The following INSC variants were observed in gnomAD, a reference collection of about 807,000 sequenced individuals.
INSC encodes protein inscuteable homolog.
Under a neutral mutation model 58.6 loss-of-function variants are expected in INSC, and 67 were observed. That is an observed-to-expected ratio of 1.14 (90% CI 0.94 to 1.40). The LOEUF (loss-of-function observed/expected upper bound fraction) is 1.40. Among genes scored for constraint, INSC ranks in the 40% most tolerant of loss-of-function variants. The pLI, the probability that INSC is intolerant of heterozygous loss-of-function variation, is 0.00. For synonymous variants in INSC, 262 were observed against 276.1 expected (o/e 0.95, Z 0.51); for missense variants, 714 against 692.0 (o/e 1.03, Z -0.36).
chr11:15,184,872 A>G (rs905706012), intron 5 of INSC, among the ~76,000 whole-genome samples: 6 of 152,252 alleles, frequency 3.9e-5, no homozygotes, highest in African/African-American at 1.4e-4. Flanking sequence ...ATATTTGAAG[A>G]ATAAAAATAT....
At chr11:15,266,232 C>G in the INSC span, among the ~76,000 whole-genome samples, 1 of 150,964 alleles carries the variant, frequency 6.6e-6, no homozygotes, top group African/African-American at 2.4e-5. Context: ...AGAATAAGAT[C>G]AAGATCAATA....
chr11:15,229,219 A>G (rs1230124039), intron 9 of INSC, among the ~76,000 whole-genome samples: 4 of 152,218 alleles, frequency 2.6e-5, no homozygotes, highest in Non-Finnish European at 5.9e-5. Context: ...TGCTTTCATA[A>G]GGGAAGGAGT....
At chr11:15,259,641 G>A in the INSC span, among the ~76,000 whole-genome samples, 2 of 152,126 alleles carry the variant, frequency 1.3e-5, no homozygotes, top group African/African-American at 4.8e-5. Context: ...ACTGACGTGC[G>A]AGACAGTTTA....
At chr11:15,118,263 A>C (rs994363498) in intron 1 of INSC, among the ~76,000 whole-genome samples, 1 of 152,172 alleles carries the variant, frequency 6.6e-6, no homozygotes, top group African/African-American at 2.4e-5. Context: ...GTCACCTCTT[A>C]TCTGCAGAGG....
chr11:15,207,545 G>A (rs545476034), intron 7 of INSC, among the ~76,000 whole-genome samples: 2 of 152,210 alleles, frequency 1.3e-5, no homozygotes, highest in South Asian at 4.1e-4. Context: ...AATAGGCCCT[G>A]ACAGCTGAGG....
intron 2 of INSC, among the ~76,000 whole-genome samples, chr11:15,174,069 C>A (rs908630807): frequency 1.3e-5 from 2 of 152,000 alleles, no homozygotes; most frequent in East Asian, 3.9e-4. Context: ...CTCCCCTCAC[C>A]CCCACCTCAT....
At chr11:15,133,387 C>T (rs1322549581) in intron 1 of INSC, among the ~76,000 whole-genome samples, 9 of 152,106 alleles carry the variant, frequency 5.9e-5, no homozygotes, top group Admixed American at 3.3e-4. Flanking sequence ...CTTTGTTCTT[C>T]GAAAATGTTT....
chr11:15,196,752 T>A (rs1850385892), intron 6 of INSC, among the ~76,000 whole-genome samples: 1 of 152,222 alleles, frequency 6.6e-6, no homozygotes, highest in African/African-American at 2.4e-5. Flanking sequence ...TTCTAAGGGC[T>A]TTATACAAAT....
intron 4 of INSC, among the ~76,000 whole-genome samples, chr11:15,177,384 G>A (rs1464830163): frequency 6.6e-6 from 1 of 152,138 alleles, no homozygotes; most frequent in Admixed American, 6.5e-5. Context: ...GGAGAGGCCT[G>A]GGCATAGGAA....
At position 15,246,200 on chromosome 11, in the gene INSC, A is replaced by G; in HGVS notation, c.*160A>G. The G allele has an allele frequency of 1.5e-6, 1 of 650,716 alleles. No homozygotes were observed. Among genetic ancestry groups the G allele is most frequent in the Non-Finnish European group, 2.5e-6 (1 of 404,038 alleles). The allele number at this position is 650,716 out of a possible 1,614,324, so 40.3% of individuals were successfully genotyped here. On this transcript the variant is annotated 3_prime_UTR_variant, in exon 13 of 13. Transcript: ENST00000379556. ...GAGGACAAAATCTTAGAGCAACATC[A>G]TCAAACAGTCTTTGGTCCTTGAGAA...
chr11:15,114,199 G>A (rs1847637294), upstream of INSC, among the ~76,000 whole-genome samples: 1 of 139,594 alleles, frequency 7.2e-6, no homozygotes, highest in Non-Finnish European at 1.5e-5. Context: ...GAGCTTTTGG[G>A]TAGGAATCAA....
intron 9 of INSC, among the ~76,000 whole-genome samples, chr11:15,231,801 C>A (rs763078171): frequency 6.6e-6 from 1 of 152,174 alleles, no homozygotes; most frequent in Non-Finnish European, 1.5e-5. Flanking sequence ...CCTGGGTATT[C>A]TTCACTTGCC....
intron 10 of INSC, among the ~76,000 whole-genome samples, chr11:15,236,418 T>G (rs1852133089): frequency 1.3e-5 from 2 of 152,166 alleles, no homozygotes; most frequent in Non-Finnish European, 2.9e-5. Flanking sequence ...ATTGTTCCTA[T>G]CTTATTGGAT....
chr11:15,241,461 G>A (rs754413252), intron 12 of INSC: 14 of 646,100 alleles, frequency 2.2e-5, no homozygotes, highest in African/African-American at 3.6e-5. Flanking sequence ...ACCTGTCTTG[G>A]TTGTACCATT....
In INSC at chr11:15,246,168, A is replaced by C. The variant is rs1378949164; in HGVS notation, c.*128A>C. The C allele has an allele frequency of 9.9e-7, 1 of 1,009,084 alleles. No homozygotes were observed. The highest frequency in any genetic ancestry group is 1.6e-5 in the African/African-American group (1 of 62,394). The allele number at this position is 1,009,084 out of a possible 1,614,324, so 62.5% of individuals were successfully genotyped here. ...TATACTTAACTTATTTTTGTGTGAA[A>C]TAAATGGAGGACAAAATCTTAGAGC... On this transcript the variant is annotated 3_prime_UTR_variant, in exon 13 of 13. Coordinates refer to ENST00000379556, the MANE Select transcript of INSC (RefSeq NM_001042536.3).
At chr11:15,255,573 G>C in the INSC span, among the ~76,000 whole-genome samples, 1 of 152,144 alleles carries the variant, frequency 6.6e-6, no homozygotes, top group Non-Finnish European at 1.5e-5. Context: ...CTTTTTGTTA[G>C]ATATTTCTGA....
At chr11:15,217,251 C>G (rs1328677243) in intron 7 of INSC, among the ~76,000 whole-genome samples, 1 of 152,074 alleles carries the variant, frequency 6.6e-6, no homozygotes, top group African/African-American at 2.4e-5. Flanking sequence ...GAGGGGAAGC[C>G]CCTTATAAAA....
intron 7 of INSC, among the ~76,000 whole-genome samples, chr11:15,215,414 G>A (rs540845168): frequency 5.3e-4 from 81 of 152,288 alleles, no homozygotes; most frequent in Non-Finnish European, 8.8e-4. Flanking sequence ...CTACTCCTGG[G>A]CCCATCATGG....
intron 2 of INSC, among the ~76,000 whole-genome samples, chr11:15,161,235 G>A (rs1370220040): frequency 6.6e-6 from 1 of 152,136 alleles, no homozygotes; most frequent in Admixed American, 6.6e-5. Flanking sequence ...AAGGTGGGTT[G>A]GTGGGTCTCA....
Sources: allele counts gnomAD v4.1 joint callset (sites outside exome capture counted in the v4.1 genomes callset), GRCh38; gene constraint gnomAD v4.1.1; transcripts MANE v1.5; gene names NCBI Gene and HGNC (gene_info 2026-07-23, HGNC 2026-07-21).